DLC1: variants seen among roughly 807,000 people sequenced by gnomAD.
The protein encoded by DLC1 is rho GTPase-activating protein 7.
A neutral mutation model predicts 140.3 loss-of-function variants in DLC1; 54 were observed. That is an observed-to-expected ratio of 0.38 (90% CI 0.31 to 0.48). The LOEUF (loss-of-function observed/expected upper bound fraction) is 0.48. Among genes scored for constraint, DLC1 ranks in the 20% least tolerant of loss-of-function variants. The pLI, the probability that DLC1 is intolerant of heterozygous loss-of-function variation, is 0.96. For missense variants in DLC1, 2,536 were observed against 1,907.0 expected, an observed-to-expected ratio of 1.33 and a Z score of -6.14; for synonymous variants, 986 against 728.1, an observed-to-expected ratio of 1.35 and a Z score of -5.70.
intron 2 of DLC1, among the ~76,000 whole-genome samples, chr8:13,414,481 C>G (rs776062829): frequency 1.3e-5 from 2 of 152,154 alleles, no homozygotes; most frequent in Non-Finnish European, 2.9e-5. Context: ...TCCTATGACT[C>G]ATCGGGATTG....
chr8:13,463,983 A>G (rs544467290), intron 2 of DLC1, among the ~76,000 whole-genome samples: 1 of 152,364 alleles, frequency 6.6e-6, no homozygotes, highest in South Asian at 2.1e-4. Context: ...AGAGAAAAAG[A>G]TGAAATTTGA....
Position 13,095,150 on chromosome 8 carries a change from C to A in DLC1, c.3263G>T (p.Gly1088Val), listed in dbSNP as rs1037857241. ...CTGGATGCTCTGAGGCAACGGTTGT[C>A]CTGTGCGCTGCACGTTGACCGTCAG... ...VPLTVNVQRT[G>V]QPLPQSIQQA... is the part of the protein sequence containing the mutation. The change falls in exon 11 of 18, where the codon GGA becomes GTA. Residue 1088 changes from glycine (G) to valine (V), a missense_variant. By Grantham distance (109) the Gly-to-Val change is moderately radical. Transcript: ENST00000276297. The A allele has an allele frequency of 8.1e-6, 13 of 1,614,154 alleles. No individual in the cohort carries two copies. The highest frequency in any genetic ancestry group is 1.3e-5 in the African/African-American group (1 of 74,954).
At chr8:13,586,224 T>G (rs1805305140) in intron 1 of DLC1, among the ~76,000 whole-genome samples, 1 of 152,150 alleles carries the variant, frequency 6.6e-6, no homozygotes, top group Non-Finnish European at 1.5e-5. Flanking sequence ...TGGTAAGGCT[T>G]GAGGCAGGAA....
chr8:13,175,724 C>T (rs915313260), intron 5 of DLC1, among the ~76,000 whole-genome samples: 1 of 152,088 alleles, frequency 6.6e-6, no homozygotes, highest in South Asian at 2.1e-4. Flanking sequence ...TTTGCATGTT[C>T]TTCTTTTTTC....
chr8:13,226,996 C>G (rs1036457404), intron 5 of DLC1, among the ~76,000 whole-genome samples: 1 of 152,070 alleles, frequency 6.6e-6, no homozygotes, highest in African/African-American at 2.4e-5. Flanking sequence ...CTGCAAAAAA[C>G]TGGGCACAAA....
At chr8:13,247,691 A>G (rs751932191) in intron 5 of DLC1, among the ~76,000 whole-genome samples, 1 of 152,248 alleles carries the variant, frequency 6.6e-6, no homozygotes, top group Admixed American at 6.5e-5. Context: ...CTGCCCTAAC[A>G]CCATGCAAAT....
At position 13,427,600 on chromosome 8, in the gene DLC1, T is replaced by C. The variant is rs148255031; in HGVS notation, c.1024-25981A>G. 3.4e-3 allele frequency among the ~76,000 whole-genome samples: 517 copies of C among 152,296 alleles called. 1 individual carries two copies. Among genetic ancestry groups the C allele is most frequent in the Middle Eastern group, 6.8e-3 (2 of 294 alleles). On this transcript the variant is annotated intron_variant, in intron 2 of 17. Transcript: ENST00000276297. ...CCTCTACCTCGAAATATTTGATTCATTCTCCATGGGATAATTGGTCCCCCT... is the reference window on the plus strand; with the variant it reads ...CCTCTACCTCGAAATATTTGATTCACTCTCCATGGGATAATTGGTCCCCCT...
chr8:13,152,819 G>C (rs1823927898), intron 5 of DLC1, among the ~76,000 whole-genome samples: 1 of 180 alleles, frequency 5.6e-3, no homozygotes, highest in Admixed American at 0.045. Flanking sequence ...CCTGTCTCTG[G>C]GGAAGAAAAA....
intron 1 of DLC1, among the ~76,000 whole-genome samples, chr8:13,582,363 C>T (rs1430567087): frequency 1.3e-5 from 2 of 152,078 alleles, no homozygotes; most frequent in Admixed American, 1.3e-4. Context: ...AGTATTAATC[C>T]TGGGTGTGTC....
At chr8:13,575,345 G>C (rs1003166346) in intron 1 of DLC1, among the ~76,000 whole-genome samples, 59 of 152,232 alleles carry the variant, frequency 3.9e-4, no homozygotes, top group African/African-American at 1.4e-3. Flanking sequence ...TGAGGGTTAG[G>C]AGGGGGGTAC....
chr8:13,488,757 T>C (rs1252674132), intron 2 of DLC1, among the ~76,000 whole-genome samples: 1 of 152,232 alleles, frequency 6.6e-6, no homozygotes, highest in African/African-American at 2.4e-5. Flanking sequence ...TTACCGAAGT[T>C]AATTACGCTT....
chr8:13,173,517 A>C (rs112062940), intron 5 of DLC1, among the ~76,000 whole-genome samples: 22,266 of 152,008 alleles, frequency 0.15, 1,983 homozygotes, highest in African/African-American at 0.24. Context: ...GATTACAGGC[A>C]TGCACTGCCA....
chr8:13,085,928 G>A lies in DLC1; in HGVS notation c.4470C>T (p.Gly1490=). 1 of 1,612,828 alleles carries A rather than the reference G, an allele frequency of 6.2e-7. No individual in the cohort carries two copies. Among genetic ancestry groups the A allele is most frequent in the Non-Finnish European group, 8.5e-7 (1 of 1,179,716 alleles). The change falls in exon 18 of 18, where the codon GGC becomes GGT. Residue 1490 remains glycine (G), a synonymous_variant. Transcript: ENST00000276297. ...ATTTTGTGTACCATTCTGGCATGTG[G>A]CCCCTATCAGAGAAAAGAAAGAAAA... ...LTYMCRVDLR[G]HMPEWYTKSF... is the part of the protein sequence containing the mutation.
In DLC1 at chr8:13,504,505, G is replaced by A. The variant is rs571910865; in HGVS notation, c.-125-4309C>T. Among the ~76,000 whole-genome samples, 8 of 152,278 alleles carry A rather than the reference G, an allele frequency of 5.3e-5. No individual in the cohort carries two copies. The South Asian group carries it at 1.4e-3, about 28-fold the overall frequency. ...CCAGAACAAATGATTCAAGTCTTCCGATTGAAGGGAACTCATGAGGATGCA... is the reference window on the plus strand; with the variant it reads ...CCAGAACAAATGATTCAAGTCTTCCAATTGAAGGGAACTCATGAGGATGCA... On this transcript the variant is annotated intron_variant, in intron 1 of 17. Coordinates refer to ENST00000276297, the MANE Select transcript of DLC1 (RefSeq NM_182643.3).
chr8:13,453,434 A>ATTTTTTTTTTTTTTTTTTT (rs1799202793), intron 2 of DLC1, among the ~76,000 whole-genome samples: 1 of 29,588 alleles, frequency 3.4e-5, no homozygotes, highest in Non-Finnish European at 5.9e-5. Context: ...GTGTATATAT[A>ATTTTTTTTTTTTTTTTTTT]TATGTATATA....
At chr8:13,360,708 A>G (rs962011978) in intron 4 of DLC1, among the ~76,000 whole-genome samples, 2 of 152,142 alleles carry the variant, frequency 1.3e-5, no homozygotes, top group East Asian at 1.9e-4. Context: ...TTTTCTGATC[A>G]TACAAGTAAT....
intron 4 of DLC1, among the ~76,000 whole-genome samples, chr8:13,370,159 T>A (rs1835665742): frequency 1.3e-5 from 2 of 151,894 alleles, no homozygotes. Context: ...TCACTTTGTC[T>A]AAAGGCCACA....
chr8:13,516,553 G>A (rs182229739), upstream of DLC1, among the ~76,000 whole-genome samples: 291 of 152,154 alleles, frequency 1.9e-3, 1 homozygote, highest in Non-Finnish European at 3.4e-3. Flanking sequence ...ATGTTAGATG[G>A]CAAGAATGAC....
In DLC1 at chr8:13,123,193, G is replaced by A. The variant is rs115215671; in HGVS notation, c.1349-7536C>T. On this transcript the variant is annotated intron_variant, in intron 5 of 17. Transcript: ENST00000276297. ...GTGACCCTGTACACGTCACGTTAGT[G>A]AGTGCCCCTTTCATTGGTGAAAGCC... Among the ~76,000 whole-genome samples the A allele has an allele frequency of 3.1e-3, 472 of 152,228 alleles. 1 individual carries two copies. Among genetic ancestry groups the A allele is most frequent in the African/African-American group, 0.011 (461 of 41,534 alleles).
Sources: gnomAD v4.1 joint callset for allele counts (sites outside exome capture counted in the v4.1 genomes callset) on GRCh38, gnomAD v4.1.1 for gene constraint, MANE v1.5 for transcripts, NCBI Gene and HGNC (gene_info 2026-07-23, HGNC 2026-07-21) for gene names.